The following ZNF195 variants were observed in gnomAD, a reference collection of about 807,000 sequenced individuals.
ZNF195 encodes the protein hypoxia-regulated factor-1.
A neutral mutation model predicts 19.5 loss-of-function variants in ZNF195; 11 were observed. The ratio of observed to expected loss-of-function variants is 0.57; its 90% CI spans 0.36 to 0.94. ZNF195 has a LOEUF of 0.94. ZNF195 is among the 40% of genes least tolerant of loss of function. The pLI, the probability that ZNF195 is intolerant of heterozygous loss-of-function variation, is 0.01. For missense variants in ZNF195, 582 were observed against 709.0 expected, an observed-to-expected ratio of 0.82 and a Z score of 2.03; for synonymous variants, 214 against 248.1, an observed-to-expected ratio of 0.86 and a Z score of 1.29.
At chr11:3,362,671 GGAAA>G in intron 3 of ZNF195, 3 of 449,928 alleles carry the variant, frequency 6.7e-6, no homozygotes, top group Non-Finnish European at 1.2e-5. Flanking sequence ...GACACAAAAA[GGAAA>G]GAGAGAAAGA....
chr11:3,371,618 C>T lies in ZNF195; in HGVS notation c.89G>A (p.Arg30Lys), dbSNP rs2133719166. 1 of 1,614,122 alleles carries T rather than the reference C, an allele frequency of 6.2e-7. No homozygotes were observed. Among genetic ancestry groups the T allele is most frequent in the African/African-American group, 1.3e-5 (1 of 75,050 alleles). The change falls in exon 2 of 6, where the codon AGG (arginine) becomes AAG (lysine). Residue 30 changes from arginine to lysine, a missense_variant. This residue lies in a region of ZNF195 where 46 missense variants were observed against 66.5 expected (regional missense o/e 0.69). Transcript: ENST00000399602. ...TCTGTAGTTCTCCAACATCACATCCCTGTACAAATTCTGCTGAGCGAGGTC... is the reference window on the plus strand; with the variant it reads ...TCTGTAGTTCTCCAACATCACATCCTTGTACAAATTCTGCTGAGCGAGGTC... Reference protein sequence around the residue: ...CLDLAQQNLYRDVMLENYRNL... With the variant: ...CLDLAQQNLYKDVMLENYRNL...
At chr11:3,370,778 C>T (rs1430045116) in intron 3 of ZNF195, among the ~76,000 whole-genome samples, 197 bp downstream of exon 3, 1 of 152,200 alleles carries the variant, frequency 6.6e-6, no homozygotes, top group Admixed American at 6.5e-5. Flanking sequence ...GATCACTAAA[C>T]AGGAAGCAGA....
Position 3,359,004 on chromosome 11 carries a change from C to A in ZNF195, c.*114G>T. The A allele has an allele frequency of 7.7e-7, 1 of 1,295,482 alleles. No individual in the cohort carries two copies. Among genetic ancestry groups the A allele is most frequent in the Non-Finnish European group, 1.0e-6 (1 of 997,460 alleles). 80.2% of individuals were successfully genotyped at this position (1,295,482 alleles called of 1,614,324 possible). A position where few individuals can be genotyped will look rare whatever the true frequency, so the allele number is the denominator to read the frequency against. Reference sequence around the variant, plus strand: ...TGGAGACTTATATTTCATGAAAGGTCTTTCAATAGTAATTACATTTATGAT... The same window carrying A: ...TGGAGACTTATATTTCATGAAAGGTATTTCAATAGTAATTACATTTATGAT... On this transcript the variant is annotated 3_prime_UTR_variant, in exon 6 of 6. Transcript: ENST00000399602. This position sits in a 1 kb window ranked among gnomAD's most constrained non-coding sequence, Gnocchi z 5.5.
chr11:3,373,524 A>G (rs1849313960), intron 1 of ZNF195: 2 of 1,407,390 alleles, frequency 1.4e-6, no homozygotes, highest in Admixed American at 2.0e-5. Context: ...TTCTAAACAC[A>G]TGACATTTCA....
chr11:3,360,649 TA>T (rs1251666375), intron 5 of ZNF195, 70 bp downstream of exon 5: 1 of 1,558,338 alleles, frequency 6.4e-7, no homozygotes. Context: ...TAATACTGGG[TA>T]CATTAGCAAA....
Position 3,359,905 on chromosome 11 carries a change from C to G in ZNF195, c.1103G>C (p.Ser368Thr). Reference sequence around the variant, plus strand: ...AAGAATCATCTGTTGATTAGAAAGGCTTGAGCAAGAGATAAAGACACTGCT... The same window carrying G: ...AAGAATCATCTGTTGATTAGAAAGGGTTGAGCAAGAGATAAAGACACTGCT... The part of the protein sequence containing the change: ...ECSSVFISCS[S>T]LSNQQMILAG... The change falls in exon 6 of 6, where the codon AGC becomes ACC. Residue 368 changes from serine to threonine, a missense_variant. By Grantham distance (58) the Ser-to-Thr change is moderately conservative. This residue lies in a region of ZNF195 where 407 missense variants were observed against 530.5 expected (regional missense o/e 0.77). Coordinates refer to ENST00000399602, the MANE Select transcript of ZNF195 (RefSeq NM_001130520.3). The surrounding 1 kb of genome is among the most constrained non-coding windows in gnomAD (Gnocchi z 5.5). 1.2e-6 allele frequency: 2 copies of G among 1,614,194 alleles called. No homozygotes were observed. Among genetic ancestry groups the G allele is most frequent in the Non-Finnish European group, 1.7e-6 (2 of 1,180,040 alleles).
intron 3 of ZNF195, among the ~76,000 whole-genome samples, chr11:3,363,897 A>G (rs559958294): frequency 3.3e-5 from 5 of 152,352 alleles, no homozygotes; most frequent in African/African-American, 9.6e-5. Context: ...TATAATAGCT[A>G]AAGTATGGGA....
At chr11:3,371,825 G>T in intron 1 of ZNF195, 122 bp from the exon 2 acceptor site, 2 of 1,161,104 alleles carry the variant, frequency 1.7e-6, no homozygotes, top group South Asian at 1.6e-5. Flanking sequence ...CTTAGCAGAA[G>T]AATACTCTCT....
At chr11:3,375,939 A>G (rs187191233) in intron 1 of ZNF195, among the ~76,000 whole-genome samples, 1 of 152,280 alleles carries the variant, frequency 6.6e-6, no homozygotes, top group African/African-American at 2.4e-5. Flanking sequence ...GTGACCCTGC[A>G]CAGATGCCCT....
Position 3,358,825 on chromosome 11 carries a change from T to A in ZNF195, c.*293A>T, listed in dbSNP as rs960397692. 3.1e-6 allele frequency: 1 copy of A among 319,334 alleles called. No individual in the cohort carries two copies. The highest frequency in any genetic ancestry group is 4.4e-5 in the Admixed American group (1 of 22,476). 19.8% of individuals were successfully genotyped at this position (319,334 alleles called of 1,614,324 possible). The stretch of plus-strand genomic sequence containing the variant: ...TATCTTTTAGTATGAACTCTAGTGT[T>A]TTCTAAGCTATCATTTTTGAACAAA... On this transcript the variant is annotated 3_prime_UTR_variant, in exon 6 of 6. Transcript: ENST00000399602.
chr11:3,362,908 A>T (rs1848702663), intron 3 of ZNF195: 1 of 182,326 alleles, frequency 5.5e-6, no homozygotes, highest in Non-Finnish European at 1.1e-5. Flanking sequence ...CATTTCATGC[A>T]AATGTTAATG....
At position 3,371,829 on chromosome 11, in the gene ZNF195, ACT is replaced by A. The variant is rs146288934; in HGVS notation, c.4-128_4-127del. 941 of 1,089,478 alleles carry A rather than the reference ACT, an allele frequency of 8.6e-4. 6 individuals carry two copies. In the African/African-American group the frequency reaches 0.012, roughly 14 times the overall value. 67.5% of individuals were successfully genotyped at this position (1,089,478 alleles called of 1,614,324 possible). On this transcript the variant is annotated intron_variant, in intron 1 of 5. Transcript: ENST00000399602. The stretch of plus-strand genomic sequence containing the variant: ...ATAAGGTAATTCTTAGCAGAAGAAT[ACT>A]CTCTAACTCTGAGGAAAGAGAATTG...
chr11:3,362,400 G>A, intron 3 of ZNF195: 1 of 328,744 alleles, frequency 3.0e-6, no homozygotes, highest in Non-Finnish European at 5.6e-6. Context: ...TTTGAAAGAT[G>A]AAAGTAGAAA....
chr11:3,370,588 G>A (rs74049154), intron 3 of ZNF195, among the ~76,000 whole-genome samples: 3,682 of 152,206 alleles, frequency 0.024, 156 homozygotes, highest in African/African-American at 0.082. Context: ...CCATCACCAC[G>A]CCTCTCGCAC....
At chr11:3,369,410 G>A (rs1589812415) in intron 3 of ZNF195, 1 of 418,774 alleles carries the variant, frequency 2.4e-6, no homozygotes, top group East Asian at 7.5e-5. Context: ...GGGAATAAAA[G>A]CAGCATCTTG....
intron 1 of ZNF195, among the ~76,000 whole-genome samples, chr11:3,376,441 G>A (rs1214611084): frequency 6.6e-6 from 1 of 152,238 alleles, no homozygotes; most frequent in African/African-American, 2.4e-5. Context: ...AGGCCTGTGG[G>A]TTGGACAAGC....
At chr11:3,378,018 G>A in intron 1 of ZNF195, 1 of 875,816 alleles carries the variant, frequency 1.1e-6, no homozygotes, top group Non-Finnish European at 1.4e-6. Context: ...CTCTTAAAAA[G>A]TGCCGTCCAG....
At chr11:3,371,513 C>G in intron 2 of ZNF195, 64 bp downstream of exon 2, 2 of 1,607,902 alleles carry the variant, frequency 1.2e-6, no homozygotes, top group Non-Finnish European at 8.5e-7. Flanking sequence ...AAAAAACATT[C>G]CGCAGAGGAA....
intron 2 of ZNF195, 109 bp from the exon 3 acceptor site, chr11:3,371,179 C>A: frequency 9.5e-7 from 1 of 1,051,508 alleles, no homozygotes; most frequent in Non-Finnish European, 1.4e-6. Context: ...AAAATTAATC[C>A]CAAAATTATG....
Sources: allele counts gnomAD v4.1 joint callset (sites outside exome capture counted in the v4.1 genomes callset), GRCh38; gene constraint gnomAD v4.1.1; regional missense constraint gnomAD v4.1.1; non-coding constraint Gnocchi (gnomAD v3.1); transcripts MANE v1.5; gene names NCBI Gene and HGNC (gene_info 2026-07-23, HGNC 2026-07-21).